Variants in ATP8B3 observed in about 807,000 individuals in gnomAD.
ATP8B3 encodes the protein ATPase phospholipid transporting 8B3, also known as phospholipid-transporting ATPase IK.
Under a neutral mutation model 140.9 loss-of-function variants are expected in ATP8B3, and 141 were observed. The observed-to-expected ratio is 1.00, with a 90% confidence interval of 0.87 to 1.15. ATP8B3 has a LOEUF of 1.15. Among genes scored for constraint, ATP8B3 ranks in the 50% most tolerant of loss-of-function variants. ATP8B3 has a pLI of 0.00. For missense variants in ATP8B3, 1,874 were observed against 1,740.6 expected (o/e 1.08, Z -1.36); for synonymous variants, 765 against 714.6 (o/e 1.07, Z -1.13).
intron 24 of ATP8B3, among the ~76,000 whole-genome samples, chr19:1,788,466 A>G (rs1249319803): frequency 6.6e-6 from 1 of 152,180 alleles, no homozygotes; most frequent in Non-Finnish European, 1.5e-5. Context: ...CCTGGCCAAC[A>G]TGGTGAAACC....
intron 14 of ATP8B3, 74 bp from the exon 15 acceptor site, chr19:1,797,079 A>G: frequency 6.2e-7 from 1 of 1,601,100 alleles, no homozygotes; most frequent in Non-Finnish European, 8.5e-7. Flanking sequence ...CCTGACCCCT[A>G]GTTTCAGGCT....
intron 23 of ATP8B3, 86 bp downstream of exon 23, chr19:1,789,275 C>T: frequency 7.5e-7 from 1 of 1,341,364 alleles, no homozygotes; most frequent in Non-Finnish European, 9.8e-7. Flanking sequence ...CCCTCACCTG[C>T]CCCAGGTCCC....
intron 27 of ATP8B3, 50 bp from the exon 28 acceptor site, chr19:1,784,996 G>A: frequency 1.3e-6 from 2 of 1,570,082 alleles, no homozygotes; most frequent in Non-Finnish European, 1.7e-6. Flanking sequence ...CTCCAAGGAT[G>A]CCCCCAGGCT....
At chr19:1,791,554 G>A (rs915051795) in intron 20 of ATP8B3, among the ~76,000 whole-genome samples, 196 bp downstream of exon 20, 1 of 152,026 alleles carries the variant, frequency 6.6e-6, no homozygotes, top group Admixed American at 6.6e-5. Context: ...CACCTGGCCA[G>A]GCCCATTTTT....
rs891833515 is a variant in ATP8B3 at position 1,789,093 on chromosome 19, C to A, written c.2873G>T (p.Gly958Val). The A allele has an allele frequency of 2.5e-6, 4 of 1,587,800 alleles. No homozygotes were observed. The highest frequency in any genetic ancestry group is 1.7e-5 in the Admixed American group (1 of 57,726). ...CTGAACTGCCTGCATGCCCTCCTGG[C>A]CCGCCAGCCCCACGCCCACGTCCGC... ...KTADVGVGLA[G>V]QEGMQAVQNS... Residue 958 changes from glycine (G) to valine (V), a missense_variant, in exon 24 of 29, where the codon GGC becomes GTC. Around this residue, in one of 3 missense-constraint regions of ATP8B3, gnomAD observed 840 missense variants for 760.9 expected, o/e 1.10. Transcript: ENST00000310127.
At position 1,794,742 on chromosome 19, in the gene ATP8B3, T is replaced by C. The variant is rs1802674786; in HGVS notation, c.2055+1133A>G. ...AAGGTGCCAAGGCAGCACCTGAGAG[T>C]GGGGAAGTCACAAGCCAGAAACTGG... On this transcript the variant is annotated intron_variant, in intron 18 of 28. Coordinates refer to ENST00000310127, the MANE Select transcript of ATP8B3 (RefSeq NM_138813.4). The surrounding 1 kb of genome is among the most constrained non-coding windows in gnomAD (Gnocchi z 4.8). 6.6e-6 allele frequency among the ~76,000 whole-genome samples: 1 copy of C among 151,118 alleles called. No homozygotes were observed. Among genetic ancestry groups the C allele is most frequent in the Non-Finnish European group, 1.5e-5 (1 of 67,730 alleles).
In ATP8B3 at chr19:1,796,859, G is replaced by C. The variant is rs549684877; in HGVS notation, c.1605C>G (p.Asn535Lys). Residue 535 changes from asparagine to lysine, a missense_variant, in exon 16 of 29, where the codon AAC becomes AAG. Asn to Lys is a moderately conservative substitution (Grantham distance 94). This residue lies in a region of ATP8B3 where 1,032 missense variants were observed against 963.6 expected (regional missense o/e 1.07). Transcript: ENST00000310127. ...AGAGCAGCTTCCCGTCGGCGAACTT[G>C]TTCCAGAGGTAGGGGTTCTCCTGGG... ...TRPKENPYLW[N>K]KFADGKLLFH... 3 of 1,612,382 alleles carry C rather than the reference G, an allele frequency of 1.9e-6. No individual in the cohort carries two copies. The highest frequency in any genetic ancestry group is 4.5e-5 in the East Asian group (2 of 44,858).
rs891344313 is a variant in ATP8B3 at position 1,809,655 on chromosome 19, C to T, written c.390G>A (p.Arg130=). Residue 130 remains arginine, a synonymous_variant, in exon 4 of 29, where the codon AGG becomes AGA. Coordinates refer to ENST00000310127, the MANE Select transcript of ATP8B3 (RefSeq NM_138813.4). Reference sequence around the variant, plus strand: ...AGGGGCCGCCCACCTTGTATTTCTTCCTTTGCCAGCACAGGATCACCTTCT... The same window carrying T: ...AGGGGCCGCCCACCTTGTATTTCTTTCTTTGCCAGCACAGGATCACCTTCT... ...FKEKVILCWQ[R]KKYKTNVIRT... 2 of 1,608,926 alleles carry T rather than the reference C, an allele frequency of 1.2e-6. No individual in the cohort carries two copies. Among genetic ancestry groups the T allele is most frequent in the African/African-American group, 2.7e-5 (2 of 74,868 alleles).
At position 1,783,263 on chromosome 19, in the gene ATP8B3, T is replaced by A. The variant is rs775481161; in HGVS notation, c.3668A>T (p.Lys1223Met). The change falls in exon 29 of 29, where the codon AAG (lysine) becomes ATG (methionine). Residue 1223 changes from lysine (K) to methionine (M), a missense_variant. Around this residue, in one of 3 missense-constraint regions of ATP8B3, gnomAD observed 840 missense variants for 760.9 expected, o/e 1.10. Coordinates refer to ENST00000310127, the MANE Select transcript of ATP8B3 (RefSeq NM_138813.4). ...CTCCTCGCTGGGGCCCTCCTCCACC[T>A]TCTCCTCCTGAAGAGCAAAGGGGAG... ...ALKELRAKEE[K>M]VEEGPSEEIF... 2 of 1,606,884 alleles carry A rather than the reference T, an allele frequency of 1.2e-6. No individual in the cohort carries two copies. Among genetic ancestry groups the A allele is most frequent in the East Asian group, 2.2e-5 (1 of 44,710 alleles).
intron 3 of ATP8B3, 146 bp from the exon 4 acceptor site, chr19:1,809,880 C>T: frequency 1.4e-6 from 1 of 715,568 alleles, no homozygotes; most frequent in Non-Finnish European, 2.4e-6. Context: ...GACAGTCGGG[C>T]AGCAGGCACC....
rs1387844624 is a variant in ATP8B3 at position 1,800,664 on chromosome 19, T to A, written c.1153-215A>T. On this transcript the variant is annotated intron_variant, in intron 12 of 28. Transcript: ENST00000310127. The surrounding 1 kb of genome is among the most constrained non-coding windows in gnomAD (Gnocchi z 4.4). ...GTGAGACCTCATCTCGACGAAAAAC[T>A]TAAAAAATAAATTAGTCAGGCATGG... Among the ~76,000 whole-genome samples, 1 of 151,822 alleles carries A rather than the reference T, an allele frequency of 6.6e-6. No individual in the cohort carries two copies. The highest frequency in any genetic ancestry group is 2.4e-5 in the African/African-American group (1 of 41,204).
Position 1,800,113 on chromosome 19 carries a change from C to T in ATP8B3, c.1386G>A (p.Trp462Ter). Residue 462 changes from tryptophan (W) to a stop codon, truncating the protein, a stop_gained, in exon 14 of 29, where the codon TGG becomes TGA. Transcript: ENST00000310127. LOFTEE classifies it high-confidence loss of function. This position sits in a 1 kb window ranked among gnomAD's most constrained non-coding sequence, Gnocchi z 4.4. ...GCGGCTTGTAGTACATCTGCACGTCCCAGTCGATGAAGACGCTGTTCCCCA... is the reference window on the plus strand; with the variant it reads ...GCGGCTTGTAGTACATCTGCACGTCTCAGTCGATGAAGACGCTGTTCCCCA... ...IYLGNSVFID[W>*]DVQMYYKPQD... 6.4e-7 allele frequency: 1 copy of T among 1,564,364 alleles called. No individual in the cohort carries two copies. Among genetic ancestry groups the T allele is most frequent in the Non-Finnish European group, 8.7e-7 (1 of 1,154,494 alleles).
In ATP8B3 at chr19:1,800,025, T is replaced by C; in HGVS notation, c.1474A>G (p.Ile492Val). The C allele has an allele frequency of 1.2e-6, 2 of 1,605,400 alleles. No individual in the cohort carries two copies. The highest frequency in any genetic ancestry group is 1.7e-6 in the Non-Finnish European group (2 of 1,176,258). Reference sequence around the variant, plus strand: ...AGCGTGCCCGTCTTGTCCGAGAAGATGTATTCCACCTGGCCCAGGTGGTCG... The same window carrying C: ...AGCGTGCCCGTCTTGTCCGAGAAGACGTATTCCACCTGGCCCAGGTGGTCG... ...LNDHLGQVEY[I>V]FSDKTGTLTQ... The change falls in exon 14 of 29, where the codon ATC becomes GTC. Residue 492 changes from isoleucine (I) to valine (V), a missense_variant. By Grantham distance (29) the Ile-to-Val change is conservative. Around this residue, in one of 3 missense-constraint regions of ATP8B3, gnomAD observed 1,032 missense variants for 963.6 expected, o/e 1.07. Coordinates refer to ENST00000310127, the MANE Select transcript of ATP8B3 (RefSeq NM_138813.4). This position sits in a 1 kb window ranked among gnomAD's most constrained non-coding sequence, Gnocchi z 4.4.
chr19:1,799,929 C>A lies in ATP8B3; in HGVS notation c.1552+18G>T. On this transcript the variant is annotated intron_variant, in intron 14 of 28. Coordinates refer to ENST00000310127, the MANE Select transcript of ATP8B3 (RefSeq NM_138813.4). Reference sequence around the variant, plus strand: ...AAGATCGAGGACCCAGCTGGGAGCTCAGGTGTCGGGGCCGCACCATAGACG... The same window carrying A: ...AAGATCGAGGACCCAGCTGGGAGCTAAGGTGTCGGGGCCGCACCATAGACG... The A allele has an allele frequency of 6.3e-7, 1 of 1,577,710 alleles. No homozygotes were observed. Among genetic ancestry groups the A allele is most frequent in the Non-Finnish European group, 8.6e-7 (1 of 1,162,586 alleles).
At chr19:1,785,409 A>C (rs554107109) in intron 26 of ATP8B3, 60 bp downstream of exon 26, 1 of 1,582,598 alleles carries the variant, frequency 6.3e-7, no homozygotes. Context: ...AGGGGTCCCC[A>C]GGGGAGGAGG....
At position 1,796,954 on chromosome 19, in the gene ATP8B3, T is replaced by C; in HGVS notation, c.1584+20A>G. ...CCCCGTCCCCCTCACCGTCCCGCGC[T>C]GCAAGCCAGGCAGGCTCACCTTAGG... is the stretch of plus-strand genomic sequence containing the variant. On this transcript the variant is annotated intron_variant, in intron 15 of 28. Coordinates refer to ENST00000310127, the MANE Select transcript of ATP8B3 (RefSeq NM_138813.4). 1 of 1,612,734 alleles carries C rather than the reference T, an allele frequency of 6.2e-7. No homozygotes were observed. The highest frequency in any genetic ancestry group is 1.3e-5 in the African/African-American group (1 of 75,004).
chr19:1,789,569 T>C lies in ATP8B3; in HGVS notation c.2637A>G (p.Ala879=). The change falls in exon 23 of 29, where the codon GCA becomes GCG. Residue 879 remains alanine (A), a synonymous_variant. Transcript: ENST00000310127. The part of the protein sequence containing the change: ...LCRRFGLPLA[A]PPAQDSRARR... ...GGGCTCTGGAGTCCTGGGCTGGCGG[T>C]GCAGCCAGCGGGAGCCCGAACCTCC... 6.3e-7 allele frequency: 1 copy of C among 1,593,468 alleles called. No homozygotes were observed. Among genetic ancestry groups the C allele is most frequent in the Non-Finnish European group, 8.5e-7 (1 of 1,176,208 alleles).
chr19:1,804,045 G>C (rs2068936256), intron 10 of ATP8B3, among the ~76,000 whole-genome samples: 1 of 152,136 alleles, frequency 6.6e-6, no homozygotes, highest in African/African-American at 2.4e-5. Flanking sequence ...TGGGTGTCAG[G>C]AGCAAGGAAA....
rs767740529 is a variant in ATP8B3 at position 1,808,300 on chromosome 19, G to A, written c.438C>T (p.Tyr146=). ...NVIRTAKYNF[Y]SFLPLNLYEQ... Reference sequence around the variant, plus strand: ...CGTACAGGTTCAGCGGCAGGAACGAGTAGAAGTTGTACTTGGCCGTGCGGA... The same window carrying A: ...CGTACAGGTTCAGCGGCAGGAACGAATAGAAGTTGTACTTGGCCGTGCGGA... The change falls in exon 5 of 29, where the codon TAC becomes TAT. Residue 146 remains tyrosine, a synonymous_variant. Coordinates refer to ENST00000310127, the MANE Select transcript of ATP8B3 (RefSeq NM_138813.4). 2.5e-6 allele frequency: 4 copies of A among 1,612,996 alleles called. No homozygotes were observed. The Admixed American group carries it at 6.7e-5, about 27-fold the overall frequency.
Sources: allele counts gnomAD v4.1 joint callset (sites outside exome capture counted in the v4.1 genomes callset), GRCh38; gene constraint gnomAD v4.1.1; regional missense constraint gnomAD v4.1.1; non-coding constraint Gnocchi (gnomAD v3.1); transcripts MANE v1.5; gene names NCBI Gene and HGNC (gene_info 2026-07-23, HGNC 2026-07-21).